The following PLPP2 variants were observed in gnomAD, a reference collection of about 807,000 sequenced individuals.
The protein encoded by PLPP2 is phospholipid phosphatase 2.
In PLPP2, 29 loss-of-function variants were observed where a neutral mutation model predicts 35.2. The observed-to-expected ratio is 0.82, with a 90% CI of 0.61 to 1.12. The LOEUF is 1.12. PLPP2 is among the 50% of genes most tolerant of loss of function. The pLI is 0.00. For missense variants in PLPP2, 353 were observed against 375.2 expected, an observed-to-expected ratio of 0.94 and a Z score of 0.49; for synonymous variants, 162 against 167.0, an observed-to-expected ratio of 0.97 and a Z score of 0.23.
At chr19:286,643 A>G (rs576750567) in intron 3 of PLPP2, 3 of 152,136 alleles carry the variant, frequency 2.0e-5, no homozygotes, top group African/African-American at 7.2e-5. Flanking sequence ...AGATTAATAT[A>G]TAATTTAAAA....
At position 282,827 on chromosome 19, in the gene PLPP2, G is replaced by A; in HGVS notation, c.483-18C>T. The A allele has an allele frequency of 1.2e-6, 2 of 1,612,732 alleles. No individual in the cohort carries two copies. The highest frequency in any genetic ancestry group is 1.7e-6 in the Non-Finnish European group (2 of 1,179,036). ...AAGACAACCTGAGGAAGGAGAAGGGGCAGGTGGCTCACTCAGCGCCTTCCA... is the reference window on the plus strand; with the variant it reads ...AAGACAACCTGAGGAAGGAGAAGGGACAGGTGGCTCACTCAGCGCCTTCCA... On this transcript the variant is annotated intron_variant, in intron 3 of 5. Coordinates refer to ENST00000434325, the MANE Select transcript of PLPP2 (RefSeq NM_003712.4).
In PLPP2 at chr19:287,672, A is replaced by G. The variant is rs1357546229; in HGVS notation, c.284T>C (p.Val95Ala). Residue 95 changes from valine to alanine, a missense_variant, in exon 3 of 6, where the codon GTA becomes GCA. By Grantham distance (64) the Val-to-Ala change is moderately conservative (BLOSUM62 0). Coordinates refer to ENST00000434325, the MANE Select transcript of PLPP2 (RefSeq NM_003712.4). The surrounding 1 kb of genome is among the most constrained non-coding windows in gnomAD (Gnocchi z 4.3). ...CAGGAAGGTCCCCAGCACCTTGTAT[A>G]CAGCAGCCACGTAGTTGTTGAAGTC... is the stretch of plus-strand genomic sequence containing the variant. ...RSDFNNYVAAVYKVLGTFLFG... is the reference protein window; with the variant it reads ...RSDFNNYVAAAYKVLGTFLFG... 3 of 1,613,938 alleles carry G rather than the reference A, an allele frequency of 1.9e-6. No individual in the cohort carries two copies. In the Admixed American group the frequency reaches 5.0e-5, roughly 27 times the overall value.
intron 3 of PLPP2, 196 bp from the exon 4 acceptor site, chr19:283,005 G>A: frequency 3.4e-6 from 2 of 592,444 alleles, no homozygotes; most frequent in East Asian, 5.7e-5. Context: ...CTGGGGCTGT[G>A]GCATGAGATG....
chr19:289,947 G>A (rs911011577), intron 1 of PLPP2, among the ~76,000 whole-genome samples: 22 of 152,076 alleles, frequency 1.4e-4, no homozygotes, highest in Non-Finnish European at 1.8e-4. Flanking sequence ...GTTAGCCTCC[G>A]TTTCCGACCT....
At chr19:281,689 C>A (rs1051133986) in intron 5 of PLPP2, 152 bp from the exon 6 acceptor site, 1 of 731,240 alleles carries the variant, frequency 1.4e-6, no homozygotes, top group Non-Finnish European at 2.0e-6. Flanking sequence ...GGGAAGAGAG[C>A]GCTCTTAGTG....
At chr19:289,462 G>GTTCACGC in intron 1 of PLPP2, among the ~76,000 whole-genome samples, 1 of 57,932 alleles carries the variant, frequency 1.7e-5, no homozygotes, top group African/African-American at 7.0e-5. Flanking sequence ...CGGCGTGGTG[G>GTTCACGC]CTCAGCACTT....
intron 1 of PLPP2, among the ~76,000 whole-genome samples, chr19:290,078 C>A (rs1423349119): frequency 6.6e-6 from 1 of 152,138 alleles, no homozygotes; most frequent in Non-Finnish European, 1.5e-5. Flanking sequence ...CTTCATTTAG[C>A]CCCCGGGAGC....
chr19:288,466 TA>T (rs1044576417), intron 1 of PLPP2: 20 of 223,500 alleles, frequency 8.9e-5, no homozygotes, highest in Middle Eastern at 1.4e-3. Context: ...CTTTTTTTTT[TA>T]AATTTTTAAA....
rs374596943 is a variant in PLPP2 at position 287,761 on chromosome 19, C to G, written c.205-10G>C. On this transcript the variant is annotated splice_polypyrimidine_tract_variant and intron_variant, in intron 2 of 5. Transcript: ENST00000434325. This position sits in a 1 kb window ranked among gnomAD's most constrained non-coding sequence, Gnocchi z 4.3. ...CTTCCCCGGCCGAGACCTGCAAGAG[C>G]AGCCGCAGGAACCAGTGGGGGTCTC... The G allele has an allele frequency of 1.2e-6, 2 of 1,612,510 alleles. No homozygotes were observed. The highest frequency in any genetic ancestry group is 1.7e-5 in the Admixed American group (1 of 59,998).
chr19:284,423 T>C (rs1403275570), intron 3 of PLPP2: 1 of 150,928 alleles, frequency 6.6e-6, no homozygotes, highest in Non-Finnish European at 1.5e-5. Context: ...AAAAATGTAA[T>C]AATAGAAATT....
intron 1 of PLPP2, 91 bp downstream of exon 1, chr19:291,194 G>C (rs922001880): frequency 6.3e-7 from 1 of 1,580,730 alleles, no homozygotes; most frequent in South Asian, 1.1e-5. Context: ...AGGGCGCGCA[G>C]CCTCCGCGTT....
chr19:288,253 G>A lies in PLPP2; in HGVS notation c.53-82C>T. 2.1e-6 allele frequency: 3 copies of A among 1,422,798 alleles called. 1 individual carries two copies. Among genetic ancestry groups the A allele is most frequent in the South Asian group, 2.7e-5 (2 of 72,756 alleles). 88.1% of individuals were successfully genotyped at this position (1,422,798 alleles called of 1,614,324 possible). ...GGCCCCACACACCTGCCTTGGCCTGGAGGCCTCCCACCTCTACTCTCACCA... is the reference window on the plus strand; with the variant it reads ...GGCCCCACACACCTGCCTTGGCCTGAAGGCCTCCCACCTCTACTCTCACCA... On this transcript the variant is annotated intron_variant, in intron 1 of 5. Coordinates refer to ENST00000434325, the MANE Select transcript of PLPP2 (RefSeq NM_003712.4).
intron 1 of PLPP2, 22 bp downstream of exon 1, chr19:291,263 C>A (rs755608302): frequency 2.5e-6 from 4 of 1,600,028 alleles, no homozygotes; most frequent in Non-Finnish European, 3.4e-6. Flanking sequence ...CCCCCCAACA[C>A]CCGGGTCCCC....
At position 287,881 on chromosome 19, in the gene PLPP2, C is replaced by G; in HGVS notation, c.205-130G>C. On this transcript the variant is annotated intron_variant, in intron 2 of 5. Coordinates refer to ENST00000434325, the MANE Select transcript of PLPP2 (RefSeq NM_003712.4). The surrounding 1 kb of genome is among the most constrained non-coding windows in gnomAD (Gnocchi z 4.3). ...AGGGGGCCCTATTACCCACAGGTAC[C>G]ACTCAGGGCAAGGCTGTGTCCCCCG... The G allele has an allele frequency of 1.3e-6, 2 of 1,505,374 alleles. No individual in the cohort carries two copies. The allele number at this position is 1,505,374 out of a possible 1,614,324, so 93.3% of individuals were successfully genotyped here.
At chr19:281,808 G>A (rs1240077973) in intron 5 of PLPP2, among the ~76,000 whole-genome samples, 4 of 147,530 alleles carry the variant, frequency 2.7e-5, no homozygotes, top group Admixed American at 1.4e-4. Context: ...CTGTGCACTG[G>A]GGTGCAGGGG....
chr19:288,979 C>T (rs551633084), intron 1 of PLPP2, among the ~76,000 whole-genome samples: 5 of 152,338 alleles, frequency 3.3e-5, no homozygotes, highest in South Asian at 2.1e-4. Context: ...CCTTCGCTCA[C>T]GCACTTGCCC....
intron 5 of PLPP2, chr19:281,912 G>C (rs979967427): frequency 1.9e-5 from 11 of 571,678 alleles, no homozygotes; most frequent in Non-Finnish European, 2.8e-5. Context: ...AGAGGGTCCA[G>C]GTAAGGACTG....
chr19:286,351 T>C (rs1970271711), intron 3 of PLPP2: 2 of 151,572 alleles, frequency 1.3e-5, no homozygotes, highest in South Asian at 4.2e-4. Flanking sequence ...TGTATGCCCG[T>C]AGTACCAGCT....
intron 3 of PLPP2, chr19:285,818 G>A (rs1970263484): frequency 6.6e-6 from 1 of 151,804 alleles, no homozygotes; most frequent in South Asian, 2.1e-4. Context: ...CAAAAAGTTA[G>A]TCGGGCGTGG....
Sources: allele counts gnomAD v4.1 joint callset (sites outside exome capture counted in the v4.1 genomes callset), GRCh38; gene constraint gnomAD v4.1.1; non-coding constraint Gnocchi (gnomAD v3.1); transcripts MANE v1.5; gene names NCBI Gene and HGNC (gene_info 2026-07-23, HGNC 2026-07-21).